The following MUC12 variants were observed in gnomAD, a reference collection of about 807,000 sequenced individuals.
MUC12 encodes the protein mucin-12.
MUC12 carries 172 observed loss-of-function variants against 230.8 expected under a neutral mutation model. The ratio of observed to expected loss-of-function variants is 0.75; its 90% CI spans 0.66 to 0.85. The LOEUF is 0.85. Ranked by LOEUF, MUC12 falls within the 40% of genes least tolerant of loss-of-function variation. The pLI is 0.00. For synonymous variants in MUC12, 1,259 were observed against 2,401.9 expected, an observed-to-expected ratio of 0.52 and a Z score of 13.91; for missense variants, 3,506 against 5,920.6, an observed-to-expected ratio of 0.59 and a Z score of 13.38.
intron 1 of MUC12, among the ~76,000 whole-genome samples, chr7:100,987,152 T>C (rs1351427525): frequency 7.0e-6 from 1 of 143,050 alleles, no homozygotes; most frequent in Non-Finnish European, 1.5e-5. Context: ...CCGCAACCTC[T>C]GCCTCCCTGG....
intron 2 of MUC12, among the ~76,000 whole-genome samples, chr7:101,006,005 C>T (rs975490117): frequency 5.9e-5 from 9 of 152,050 alleles, no homozygotes; most frequent in Non-Finnish European, 1.0e-4. Flanking sequence ...ACCATGTTGA[C>T]CAAGCTAGTC....
At chr7:100,972,771 G>C in intron 1 of MUC12, 1 of 674,254 alleles carries the variant, frequency 1.5e-6, no homozygotes. Context: ...CTCCCAAAGT[G>C]CTGGAATGAC....
rs113658784 is a variant in MUC12, at chr7:101,011,998, C to T, written c.15252-298C>T. 7.2e-3 allele frequency among the ~76,000 whole-genome samples: 1,099 copies of T among 152,260 alleles called. 16 individuals carry two copies. The highest frequency in any genetic ancestry group is 0.025 in the African/African-American group (1,028 of 41,548). ...CATAGCAGCTGCACTATTTTACTTTCGCATCAACAGGACACAGGGATTCAA... is the reference window on the plus strand; with the variant it reads ...CATAGCAGCTGCACTATTTTACTTTTGCATCAACAGGACACAGGGATTCAA... On this transcript the variant is annotated intron_variant, in intron 5 of 11. Coordinates refer to ENST00000536621, the MANE Select transcript of MUC12 (RefSeq NM_001164462.2).
intron 2 of MUC12, 40 bp from the exon 3 acceptor site, chr7:101,006,431 G>A (rs1584844819): frequency 7.0e-7 from 1 of 1,429,512 alleles, no homozygotes; most frequent in South Asian, 1.2e-5. Flanking sequence ...TTGCTCTTTG[G>A]GCTCCCACGG....
chr7:100,974,679 G>T (rs36195097), intron 1 of MUC12, among the ~76,000 whole-genome samples: 1,562 of 86,100 alleles, frequency 0.018, no homozygotes, highest in Admixed American at 0.021. Flanking sequence ...AAAAAAATTA[G>T]CTGTGTGTGG....
intron 11 of MUC12, 43 bp downstream of exon 11, chr7:101,017,706 A>G (rs1793954908): frequency 1.4e-6 from 2 of 1,407,198 alleles, no homozygotes; most frequent in African/African-American, 2.9e-5. Context: ...AGGCTGCTCC[A>G]CTTCCTCTGG....
At chr7:101,012,251 CT>C (rs1394677626) in intron 5 of MUC12, 44 bp from the exon 6 acceptor site, 1 of 1,530,562 alleles carries the variant, frequency 6.5e-7, no homozygotes, top group African/African-American at 1.4e-5. Context: ...CACTTGCTGG[CT>C]GGGTGGTGAC....
At chr7:100,975,862 A>G (rs1793021703) in intron 1 of MUC12, among the ~76,000 whole-genome samples, 1 of 152,310 alleles carries the variant, frequency 6.6e-6, no homozygotes, top group Non-Finnish European at 1.5e-5. Context: ...TCCCTCGGGA[A>G]GATCAAATCT....
chr7:100,993,789 T>G lies in MUC12; in HGVS notation c.3226T>G (p.Ser1076Ala). ...CTCAGGTCGTGGAGAATCTACAACC[T>G]CACGCATCAGTCCAGGCTCAACTGA... ...TTSGRGESTT[S>A]RISPGSTEIT... Residue 1076 changes from serine to alanine, a missense_variant, in exon 2 of 12, where the codon TCA becomes GCA. Transcript: ENST00000536621. The G allele has an allele frequency of 1.4e-6, 2 of 1,438,192 alleles. No homozygotes were observed. Among genetic ancestry groups the G allele is most frequent in the Middle Eastern group, 2.2e-4 (1 of 4,540 alleles). The allele number at this position is 1,438,192 out of a possible 1,614,324, so 89.1% of individuals were successfully genotyped here.
chr7:100,991,874 A>C lies in MUC12; in HGVS notation c.1311A>C (p.Ser437=), dbSNP rs1380257483. The C allele has an allele frequency of 6.5e-7, 1 of 1,537,540 alleles. No individual in the cohort carries two copies. The highest frequency in any genetic ancestry group is 8.7e-7 in the Non-Finnish European group (1 of 1,146,796). Residue 437 remains serine, a synonymous_variant, in exon 2 of 12, where the codon TCA becomes TCC. Transcript: ENST00000536621. ...SSTISGRSEE[S]KASHSSPDAM... ...CAATCTCAGGCCGTAGTGAGGAATC[A>C]AAAGCATCCCACAGCAGCCCAGATG... is the stretch of plus-strand genomic sequence containing the variant.
intron 1 of MUC12, among the ~76,000 whole-genome samples, chr7:100,975,850 AT>A (rs1793021442): frequency 6.6e-6 from 1 of 152,312 alleles, no homozygotes; most frequent in Non-Finnish European, 1.5e-5. Context: ...TGGTAATCAG[AT>A]TCCCTCGGGA....
Position 101,006,499 on chromosome 7 carries a change from T to A in MUC12, c.14985T>A (p.Asn4995Lys). 6.5e-7 allele frequency: 1 copy of A among 1,537,216 alleles called. No individual in the cohort carries two copies. The highest frequency in any genetic ancestry group is 8.7e-7 in the Non-Finnish European group (1 of 1,146,900). Reference sequence around the variant, plus strand: ...TGTGCCAGGAAGGACAAATTTGGAATGGAAAACAATGCGTCTGTCCCCAAG... The same window carrying A: ...TGTGCCAGGAAGGACAAATTTGGAAAGGAAAACAATGCGTCTGTCCCCAAG... Reference protein sequence around the residue: ...PGLCQEGQIWNGKQCVCPQGY... With the variant: ...PGLCQEGQIWKGKQCVCPQGY... Residue 4995 changes from asparagine (N) to lysine (K), a missense_variant, in exon 3 of 12, where the codon AAT becomes AAA. Asn to Lys is a moderately conservative substitution (Grantham distance 94, BLOSUM62 0). Transcript: ENST00000536621.
At position 101,004,402 on chromosome 7, in the gene MUC12, A is replaced by G. The variant is rs1335920248; in HGVS notation, c.13839A>G (p.Gln4613=). ...TAYHSSPGST[Q]TMHFPESSTA... ...ACCACAGCAGCCCGGGCTCAACTCAAACAATGCACTTCCCTGAAAGCTCCA... is the reference window on the plus strand; with the variant it reads ...ACCACAGCAGCCCGGGCTCAACTCAGACAATGCACTTCCCTGAAAGCTCCA... The change falls in exon 2 of 12, where the codon CAA becomes CAG. Residue 4613 remains glutamine, a synonymous_variant. Transcript: ENST00000536621. The G allele has an allele frequency of 4.0e-6, 6 of 1,505,602 alleles. No homozygotes were observed. Among genetic ancestry groups the G allele is most frequent in the Non-Finnish European group, 5.3e-6 (6 of 1,135,264 alleles). The allele number at this position is 1,505,602 out of a possible 1,614,324, so 93.3% of individuals were successfully genotyped here. A position where few individuals can be genotyped will look rare whatever the true frequency, so the allele number is the denominator to read the frequency against.
rs553375264 is a variant in MUC12 at position 100,974,637 on chromosome 7, T to C, written c.67+4948T>C. Among the ~76,000 whole-genome samples, 79 of 152,182 alleles carry C rather than the reference T, an allele frequency of 5.2e-4. 1 individual carries two copies. Among genetic ancestry groups the C allele is most frequent in the Admixed American group, 2.7e-3 (41 of 15,282 alleles). On this transcript the variant is annotated intron_variant, in intron 1 of 11. Transcript: ENST00000536621. ...GAGTTTGAGGCCAGACTGAGCAACA[T>C]AGGGAGACCCTGTCTCTGCAAAAAA...
At chr7:101,018,377 T>C (rs1584851032) in intron 11 of MUC12, among the ~76,000 whole-genome samples, 2 of 69,608 alleles carry the variant, frequency 2.9e-5, no homozygotes, top group Non-Finnish European at 5.9e-5. Context: ...GACTCCCTCC[T>C]CCCCCAGGAC....
rs756478982 is a variant in MUC12, at chr7:101,004,766, A to C, written c.14203A>C (p.Ser4735Arg). The C allele has an allele frequency of 2.0e-6, 3 of 1,537,226 alleles. No individual in the cohort carries two copies. The highest frequency in any genetic ancestry group is 1.7e-6 in the Non-Finnish European group (2 of 1,146,684). ...LASTATTPGL[S>R]AKSTILYSSS... Reference sequence around the variant, plus strand: ...CAGCACTGCCACAACACCAGGCCTCAGTGCAAAATCTACCATCCTTTACAG... The same window carrying C: ...CAGCACTGCCACAACACCAGGCCTCCGTGCAAAATCTACCATCCTTTACAG... The change falls in exon 2 of 12, where the codon AGT becomes CGT. Residue 4735 changes from serine to arginine, a missense_variant. Ser to Arg is a moderately radical substitution (Grantham distance 110). Coordinates refer to ENST00000536621, the MANE Select transcript of MUC12 (RefSeq NM_001164462.2).
chr7:100,972,975 T>C (rs1563083732), intron 1 of MUC12: 1 of 703,088 alleles, frequency 1.4e-6, no homozygotes, highest in Non-Finnish European at 2.6e-6. Context: ...GGTGCAGGAA[T>C]GCCCTGAAAG....
At chr7:101,007,762 C>T (rs1334718631) in intron 3 of MUC12, among the ~76,000 whole-genome samples, 6 of 152,146 alleles carry the variant, frequency 3.9e-5, no homozygotes, top group Non-Finnish European at 7.3e-5. Context: ...GGTATATACC[C>T]AGCAGTGGGA....
chr7:101,008,393 G>A (rs768408588), intron 3 of MUC12, among the ~76,000 whole-genome samples: 11 of 152,148 alleles, frequency 7.2e-5, no homozygotes, highest in African/African-American at 2.4e-4. Flanking sequence ...CACAGCACCC[G>A]GCCCAGGGCT....
Sources: gnomAD v4.1 joint callset for allele counts (sites outside exome capture counted in the v4.1 genomes callset) on GRCh38, gnomAD v4.1.1 for gene constraint, MANE v1.5 for transcripts, NCBI Gene and HGNC (gene_info 2026-07-23, HGNC 2026-07-21) for gene names.